CDH17: variants seen among roughly 807,000 people sequenced by gnomAD.
The protein encoded by CDH17 is cadherin 17.
A neutral mutation model predicts 86.3 loss-of-function variants in CDH17; 67 were observed. The ratio of observed to expected loss-of-function variants is 0.78; its 90% CI spans 0.64 to 0.95. CDH17 has a LOEUF of 0.95. Among genes scored for constraint, CDH17 ranks in the 40% least tolerant of loss-of-function variants. The pLI, the probability that CDH17 is intolerant of heterozygous loss-of-function variation, is 0.00. For synonymous variants in CDH17, 367 were observed against 366.4 expected (o/e 1.00, Z -0.02); for missense variants, 993 against 1,017.6 (o/e 0.98, Z 0.33).
chr8:94,129,679 G>A (rs1305217186), intron 17 of CDH17, among the ~76,000 whole-genome samples: 2 of 152,078 alleles, frequency 1.3e-5, no homozygotes, highest in Non-Finnish European at 2.9e-5. Flanking sequence ...TTGAAAGAGG[G>A]CAATTACTAT....
At chr8:94,210,254 A>AAAAAG (rs1814101230), upstream of CDH17, among the ~76,000 whole-genome samples, 6 of 143,370 alleles carry the variant, frequency 4.2e-5, no homozygotes, top group Non-Finnish European at 6.1e-5. Context: ...AAAAAAAAAA[A>AAAAAG]GTCCAAGGGC....
At chr8:94,199,071 ATATATATATATATTTTTTTT>A (rs1813849496) in intron 1 of CDH17, among the ~76,000 whole-genome samples, 4 of 16,296 alleles carry the variant, frequency 2.5e-4, no homozygotes, top group African/African-American at 8.3e-4. Context: ...ATATATATAT[ATATATATATATATTTTTTTT>A]TTTTTATCAT....
chr8:94,196,712 G>T (rs1813792243), intron 1 of CDH17, among the ~76,000 whole-genome samples: 1 of 152,146 alleles, frequency 6.6e-6, no homozygotes, highest in African/African-American at 2.4e-5. Flanking sequence ...ACAAAGAGCA[G>T]CCTGTAGAAT....
chr8:94,130,960 C>A lies in CDH17; in HGVS notation c.2200G>T (p.Glu734Ter). ...THARLSTRHT[E>*]FEEREYVVLI... ...ACGACATACTCCCTCTCCTCAAACTCTGTGTGCCTGGTAGACAGTCGGGCA... is the reference window on the plus strand; with the variant it reads ...ACGACATACTCCCTCTCCTCAAACTATGTGTGCCTGGTAGACAGTCGGGCA... Residue 734 changes from glutamate (E) to a stop codon, truncating the protein, a stop_gained, in exon 16 of 18, where the codon GAG becomes TAG. Transcript: ENST00000027335. LOFTEE classifies it high-confidence loss of function. 2 of 1,605,342 alleles carry A rather than the reference C, an allele frequency of 1.2e-6. No individual in the cohort carries two copies. The highest frequency in any genetic ancestry group is 1.7e-6 in the Non-Finnish European group (2 of 1,172,162).
At chr8:94,179,063 A>AAC (rs1813427220) in intron 3 of CDH17, among the ~76,000 whole-genome samples, 2 of 151,026 alleles carry the variant, frequency 1.3e-5, no homozygotes, top group South Asian at 2.1e-4. Context: ...AAAAAAAAAA[A>AAC]CTAAGGTTTG....
intron 9 of CDH17, 42 bp from the exon 10 acceptor site, chr8:94,166,018 C>T (rs1038137388): frequency 1.7e-6 from 2 of 1,176,876 alleles, no homozygotes; most frequent in Admixed American, 1.9e-5. Context: ...TTACAGGCTC[C>T]ACATAATCTA....
In CDH17 at chr8:94,148,765, G is replaced by A; in HGVS notation, c.1906C>T (p.Gln636Ter). 2 of 1,235,872 alleles carry A rather than the reference G, an allele frequency of 1.6e-6. No homozygotes were observed. The highest frequency in any genetic ancestry group is 2.7e-5 in the South Asian group (2 of 74,836). The allele number at this position is 1,235,872 out of a possible 1,614,324, so 76.6% of individuals were successfully genotyped here. A position where few individuals can be genotyped will look rare whatever the true frequency, so the allele number is the denominator to read the frequency against. The change falls in exon 14 of 18, where the codon CAA (glutamine) becomes TAA (stop). Residue 636 changes from glutamine to a stop codon, truncating the protein, a stop_gained. Coordinates refer to ENST00000027335, the MANE Select transcript of CDH17 (RefSeq NM_004063.4). LOFTEE classifies it high-confidence loss of function. ...TTACCTACTTCTGTGGCCACCACTT[G>A]TACCCGATATGGACTTCCGGCTTCT... ...DREAGSPYRVQVVATEVGGSS... is the reference protein window; with the variant it reads ...DREAGSPYRV
At chr8:94,138,945 C>T (rs1812583920) in intron 15 of CDH17, among the ~76,000 whole-genome samples, 2 of 152,112 alleles carry the variant, frequency 1.3e-5, no homozygotes, top group Admixed American at 6.5e-5. Flanking sequence ...AAATATTCAG[C>T]ATCTAAATGT....
At chr8:94,212,371 G>A (rs1001858469), upstream of CDH17, among the ~76,000 whole-genome samples, 2 of 152,080 alleles carry the variant, frequency 1.3e-5, no homozygotes, top group Non-Finnish European at 2.9e-5. Context: ...CCAACTCCTG[G>A]GGTCTAAGAT....
At chr8:94,198,791 TG>T (rs1813835126) in intron 1 of CDH17, among the ~76,000 whole-genome samples, 1 of 152,164 alleles carries the variant, frequency 6.6e-6, no homozygotes, top group Non-Finnish European at 1.5e-5. Flanking sequence ...ATTTGCTTAA[TG>T]AGGTTGGATG....
chr8:94,156,518 G>A (rs2130611877), intron 12 of CDH17, among the ~76,000 whole-genome samples: 1 of 152,296 alleles, frequency 6.6e-6, no homozygotes, highest in East Asian at 1.9e-4. Context: ...TGATAACCAA[G>A]CACACGAGAG....
At chr8:94,147,377 G>A (rs1812763946) in intron 14 of CDH17, among the ~76,000 whole-genome samples, 1 of 152,190 alleles carries the variant, frequency 6.6e-6, no homozygotes, top group Admixed American at 6.6e-5. Context: ...TGACTTGACT[G>A]AAGTAATTTT....
intron 13 of CDH17, 89 bp downstream of exon 13, chr8:94,151,779 C>T: frequency 6.5e-7 from 1 of 1,539,828 alleles, no homozygotes; most frequent in Non-Finnish European, 8.9e-7. Flanking sequence ...TGAGGGTCAG[C>T]CCTGGAGTCA....
At chr8:94,197,533 T>A (rs924470680) in intron 1 of CDH17, among the ~76,000 whole-genome samples, 1 of 151,908 alleles carries the variant, frequency 6.6e-6, no homozygotes, top group Non-Finnish European at 1.5e-5. Flanking sequence ...CATTGCTCAA[T>A]AATAAGTTTG....
In CDH17 at chr8:94,174,217, C is replaced by T. The variant is rs749171638; in HGVS notation, c.468G>A (p.Pro156=). The change falls in exon 6 of 18, where the codon CCG becomes CCA. Residue 156 remains proline, a synonymous_variant. Transcript: ENST00000027335. Reference sequence around the variant, plus strand: ...AATAAAGCTGGCCATTGGGAGTGGCCGGATCATCCAGGTCTGTGGCATTGA... The same window carrying T: ...AATAAAGCTGGCCATTGGGAGTGGCTGGATCATCCAGGTCTGTGGCATTGA... ...LYVNATDLDD[P]ATPNGQLYYQ... is the part of the protein sequence containing the mutation. The T allele has an allele frequency of 1.6e-5, 25 of 1,612,636 alleles. No homozygotes were observed. The Admixed American group carries it at 2.0e-4, about 13-fold the overall frequency.
At chr8:94,159,482 C>CA (rs1813007434) in intron 12 of CDH17, among the ~76,000 whole-genome samples, 2 of 152,114 alleles carry the variant, frequency 1.3e-5, no homozygotes, top group South Asian at 4.1e-4. Flanking sequence ...CTAAAAGGCC[C>CA]ATGGGGTCAT....
chr8:94,185,120 C>CT (rs1205703228), intron 3 of CDH17, among the ~76,000 whole-genome samples: 1 of 152,152 alleles, frequency 6.6e-6, no homozygotes, highest in Non-Finnish European at 1.5e-5. Context: ...CTGCCATTAA[C>CT]TAACTTAAGC....
chr8:94,155,606 A>T (rs1812931343), intron 12 of CDH17, among the ~76,000 whole-genome samples: 1 of 152,160 alleles, frequency 6.6e-6, no homozygotes, highest in South Asian at 2.1e-4. Flanking sequence ...TGTGTGTGCA[A>T]ATGAGAAGCA....
chr8:94,142,373 T>G, intron 15 of CDH17, among the ~76,000 whole-genome samples: 1 of 152,230 alleles, frequency 6.6e-6, no homozygotes, highest in Non-Finnish European at 1.5e-5. Context: ...TAAAAGTACT[T>G]TGTTGCCAAA....
Sources: allele counts gnomAD v4.1 joint callset (sites outside exome capture counted in the v4.1 genomes callset), GRCh38; gene constraint gnomAD v4.1.1; transcripts MANE v1.5; gene names NCBI Gene and HGNC (gene_info 2026-07-23, HGNC 2026-07-21).